BICRAL: variants seen among roughly 807,000 people sequenced by gnomAD.
BICRAL encodes BRD4-interacting chromatin-remodeling complex-associated protein-like.
Under a neutral mutation model 91.8 loss-of-function variants are expected in BICRAL, and 8 were observed. The observed-to-expected ratio is 0.09, with a 90% CI of 0.05 to 0.16. BICRAL has a LOEUF of 0.16. Ranked by LOEUF, BICRAL falls within the 10% of genes least tolerant of loss-of-function variation. The pLI, the probability that BICRAL is intolerant of heterozygous loss-of-function variation, is 1.00. For synonymous variants in BICRAL, 445 were observed against 491.1 expected (o/e 0.91, Z 1.24); for missense variants, 1,038 against 1,310.9 (o/e 0.79, Z 3.21).
intron 1 of BICRAL, among the ~76,000 whole-genome samples, chr6:42,807,804 GA>G (rs751723957): frequency 0.013 from 1,667 of 128,108 alleles, 9 homozygotes; most frequent in African/African-American, 0.03. Flanking sequence ...GACTCCGTCT[GA>G]AAAAAAAAAA....
Position 42,845,195 on chromosome 6 carries a change from G to GGTTTTTT in BICRAL, c.1840-6897_1840-6896insGTTTTTT, listed in dbSNP as rs1562490931. 5.0e-3 allele frequency among the ~76,000 whole-genome samples: 127 copies of GGTTTTTT among 25,612 alleles called. 30 individuals carry two copies. The highest frequency in any genetic ancestry group is 0.048 in the Middle Eastern group (2 of 42). 16.8% of individuals were successfully genotyped at this position (25,612 alleles called of 152,430 possible). A position where few individuals can be genotyped will look rare whatever the true frequency, so the allele number is the denominator to read the frequency against. On this transcript the variant is annotated intron_variant, in intron 6 of 12. Coordinates refer to ENST00000314073, the MANE Select transcript of BICRAL (RefSeq NM_001393499.1). The stretch of plus-strand genomic sequence containing the variant: ...CTTCTCTGTTTTTTGTTTTTTGGGT[G>GGTTTTTT]TTTTTTTTTTTTTTTTTTTTTTTTT...
At chr6:42,798,439 G>C (rs1348560104) in intron 1 of BICRAL, among the ~76,000 whole-genome samples, 1 of 152,138 alleles carries the variant, frequency 6.6e-6, no homozygotes, top group Non-Finnish European at 1.5e-5. Context: ...GCTCATACCT[G>C]TAATCCCAGT....
chr6:42,757,400 T>C (rs1762478508), intron 1 of BICRAL, among the ~76,000 whole-genome samples: 1 of 152,028 alleles, frequency 6.6e-6, no homozygotes, highest in South Asian at 2.1e-4. Flanking sequence ...TATAGGCGCC[T>C]GCCACAACGC....
chr6:42,802,512 G>A (rs1403512510), intron 1 of BICRAL, among the ~76,000 whole-genome samples: 3 of 151,778 alleles, frequency 2.0e-5, no homozygotes, highest in Non-Finnish European at 4.4e-5. Flanking sequence ...GCAGTGGCAC[G>A]ATCTCGGCTC....
chr6:42,749,615 T>C (rs1297085223), intron 1 of BICRAL, among the ~76,000 whole-genome samples: 3 of 152,192 alleles, frequency 2.0e-5, no homozygotes, highest in Non-Finnish European at 4.4e-5. Context: ...CCACTACATA[T>C]TATATGCATG....
At chr6:42,853,046 C>G (rs1379148284) in intron 7 of BICRAL, among the ~76,000 whole-genome samples, 1 of 124,820 alleles carries the variant, frequency 8.0e-6, no homozygotes. Flanking sequence ...GCCTGGGCGA[C>G]AGAACAAGAC....
At chr6:42,850,036 CAATAAATAAATAAAATA>C in intron 6 of BICRAL, among the ~76,000 whole-genome samples, 1 of 149,810 alleles carries the variant, frequency 6.7e-6, no homozygotes, top group Non-Finnish European at 1.5e-5. Flanking sequence ...GACCCTGTCT[CAATAAATAAATAAAATA>C]AATAAATAAA....
At chr6:42,770,973 C>T (rs963713046) in intron 1 of BICRAL, among the ~76,000 whole-genome samples, 2 of 152,198 alleles carry the variant, frequency 1.3e-5, no homozygotes, top group African/African-American at 4.8e-5. Flanking sequence ...TGAGCCACCG[C>T]ACCCGGCCCT....
intron 6 of BICRAL, among the ~76,000 whole-genome samples, chr6:42,844,148 A>G (rs1764904421): frequency 1.3e-5 from 2 of 150,440 alleles, no homozygotes; most frequent in African/African-American, 2.4e-5. Flanking sequence ...GAAATGGACC[A>G]AGGAGAGCAT....
chr6:42,772,725 T>C (rs996086771), intron 1 of BICRAL, among the ~76,000 whole-genome samples: 1 of 152,162 alleles, frequency 6.6e-6, no homozygotes, highest in Admixed American at 6.5e-5. Context: ...TCTAGAAAGA[T>C]GATCTTTGTA....
intron 1 of BICRAL, among the ~76,000 whole-genome samples, chr6:42,752,331 CTG>C (rs1232151930): frequency 6.6e-6 from 1 of 152,240 alleles, no homozygotes; most frequent in Non-Finnish European, 1.5e-5. Context: ...TAAGCACTAA[CTG>C]TGCCCAGCAC....
intron 5 of BICRAL, 135 bp from the exon 6 acceptor site, chr6:42,828,358 G>A (rs1398697010): frequency 1.4e-5 from 10 of 704,800 alleles, no homozygotes; most frequent in African/African-American, 9.2e-5. Context: ...CCGAGATCAC[G>A]CCACTGCACT....
chr6:42,814,499 G>GTGTGTGTGTATATATATATATATA (rs374054837), intron 2 of BICRAL, among the ~76,000 whole-genome samples: 1 of 61,270 alleles, frequency 1.6e-5, no homozygotes, highest in African/African-American at 7.9e-5. Context: ...GTGTGTGTGT[G>GTGTGTGTGTATATATATATATATA]TATATATATA....
At position 42,866,142 on chromosome 6, in the gene BICRAL, AT is replaced by A. The variant is rs2114057241; in HGVS notation, c.*697del. 6.6e-6 allele frequency: 1 copy of A among 152,478 alleles called. No individual in the cohort carries two copies. Among genetic ancestry groups the A allele is most frequent in the Admixed American group, 6.5e-5 (1 of 15,274 alleles). The allele number at this position is 152,478 out of a possible 1,614,324, so 9.4% of individuals were successfully genotyped here. The stretch of plus-strand genomic sequence containing the variant: ...TCTGATGCTTCCGGAGCAAAACCTC[AT>A]GCTTTTAGGCATATCTATGTTGAAT... On this transcript the variant is annotated 3_prime_UTR_variant, in exon 13 of 13. Transcript: ENST00000314073.
At chr6:42,768,692 CT>C (rs1466700981) in intron 1 of BICRAL, among the ~76,000 whole-genome samples, 3 of 152,182 alleles carry the variant, frequency 2.0e-5, no homozygotes, top group Non-Finnish European at 4.4e-5. Context: ...TGAGAATCTG[CT>C]TTCTTCCCCT....
At chr6:42,850,376 C>T (rs562621844) in intron 6 of BICRAL, among the ~76,000 whole-genome samples, 1 of 151,772 alleles carries the variant, frequency 6.6e-6, no homozygotes, top group Non-Finnish European at 1.5e-5. Context: ...AAAAATTAGC[C>T]AGGTGTGGTG....
At chr6:42,800,899 CAA>C (rs894071776) in intron 1 of BICRAL, among the ~76,000 whole-genome samples, 9 of 145,074 alleles carry the variant, frequency 6.2e-5, no homozygotes, top group Admixed American at 1.4e-4. Context: ...TGACAGAGAG[CAA>C]AGAGTCAAGA....
chr6:42,792,356 C>T (rs906536004), intron 1 of BICRAL, among the ~76,000 whole-genome samples: 3 of 151,932 alleles, frequency 2.0e-5, no homozygotes, highest in East Asian at 1.9e-4. Context: ...GCCTCCATCT[C>T]GTGGGTTCAA....
chr6:42,781,945 G>C (rs1268706256), upstream of BICRAL: 1 of 146,854 alleles, frequency 6.8e-6, no homozygotes, highest in Non-Finnish European at 1.5e-5. Context: ...CGGCGCGGGG[G>C]TGAGCGAGAG....
Sources: allele counts gnomAD v4.1 joint callset (sites outside exome capture counted in the v4.1 genomes callset), GRCh38; gene constraint gnomAD v4.1.1; transcripts MANE v1.5; gene names NCBI Gene and HGNC (gene_info 2026-07-23, HGNC 2026-07-21).